Variants in MYL6 observed in about 807,000 individuals in gnomAD.
MYL6 encodes the protein myosin light polypeptide 6.
A neutral mutation model predicts 20.3 loss-of-function variants in MYL6; 20 were observed. That is an observed-to-expected ratio of 0.98 (90% CI 0.69 to 1.43). MYL6 has a LOEUF of 1.43. MYL6 is among the 40% of genes most tolerant of loss of function. The probability of loss-of-function intolerance (pLI) is 0.00; values close to 1 mark genes in which losing one functional copy is unlikely to be tolerated. For missense variants in MYL6, 164 were observed against 191.0 expected (o/e 0.86, Z 0.83); for synonymous variants, 77 against 72.4 (o/e 1.06, Z -0.32).
chr12:56,158,752 G>A, intron 2 of MYL6, 41 bp downstream of exon 2: 6 of 1,611,692 alleles, frequency 3.7e-6, no homozygotes, highest in Non-Finnish European at 5.1e-6. Context: ...CCCTTAGGGA[G>A]AGGGACACCC....
At chr12:56,160,182 T>TGGCA (rs777375833) in intron 4 of MYL6, 34 bp downstream of exon 4, 1 of 1,613,804 alleles carries the variant, frequency 6.2e-7, no homozygotes, top group East Asian at 2.2e-5. Flanking sequence ...TGAGCTGAGA[T>TGGCA]GGCACCCTGA....
intron 3 of MYL6, 30 bp downstream of exon 3, chr12:56,159,760 G>A: frequency 1.7e-5 from 27 of 1,604,456 alleles, no homozygotes; most frequent in Non-Finnish European, 2.3e-5. Context: ...ACTCCTCAGT[G>A]TGGTCATGGG....
intron 3 of MYL6, 65 bp from the exon 4 acceptor site, chr12:56,159,910 T>C: frequency 6.4e-7 from 1 of 1,556,944 alleles, no homozygotes; most frequent in Non-Finnish European, 8.7e-7. Context: ...GAGGTCTCTA[T>C]AATCCCCTGT....
At chr12:56,159,425 G>T in intron 2 of MYL6, 162 bp from the exon 3 acceptor site, 1 of 928,422 alleles carries the variant, frequency 1.1e-6, no homozygotes, top group South Asian at 1.7e-5. Context: ...CACTTGAGTT[G>T]GGAGGAAGAG....
At position 56,160,675 on chromosome 12, in the gene MYL6, G is replaced by A. The variant is rs377654939; in HGVS notation, c.*16+5G>A. On this transcript the variant is annotated splice_donor_5th_base_variant and intron_variant, in intron 6 of 6. Coordinates refer to ENST00000550697, the MANE Select transcript of MYL6 (RefSeq NM_021019.5). ...GGTGACGGGCCCATGGGGCGGGTAC[G>A]GCTCCTCCCAGCCTCTCCTCTAGTT... 156 of 1,613,936 alleles carry A rather than the reference G, an allele frequency of 9.7e-5. 2 individuals carry two copies. The highest frequency in any genetic ancestry group is 3.2e-4 in the South Asian group (29 of 91,088).
In MYL6 at chr12:56,159,659, T is replaced by G; in HGVS notation, c.104T>G (p.Val35Gly). 1 of 1,614,028 alleles carries G rather than the reference T, an allele frequency of 6.2e-7. No homozygotes were observed. Among genetic ancestry groups the G allele is most frequent in the African/African-American group, 1.3e-5 (1 of 74,994 alleles). ...GKILYSQCGD[V>G]MRALGQNPTN... ...ATCCTGTACAGCCAGTGTGGGGATGTGATGAGGGCCCTGGGCCAGAACCCT... is the reference window on the plus strand; with the variant it reads ...ATCCTGTACAGCCAGTGTGGGGATGGGATGAGGGCCCTGGGCCAGAACCCT... Residue 35 changes from valine (V) to glycine (G), a missense_variant, in exon 3 of 7, where the codon GTG (valine) becomes GGG (glycine). By Grantham distance (109) the Val-to-Gly change is moderately radical (BLOSUM62 -3). Transcript: ENST00000550697.
rs375642964 is a variant in MYL6, at chr12:56,158,456, G to A, written c.3+52G>A. 5.6e-5 allele frequency: 87 copies of A among 1,555,126 alleles called. No individual in the cohort carries two copies. In the African/African-American group the frequency reaches 9.3e-4, roughly 17 times the overall value. On this transcript the variant is annotated intron_variant, in intron 1 of 6. Transcript: ENST00000550697. ...CAGGATTGGGGACGAGAGGCAGGAAGAGACGGGTGGGGGGCGAGGAGAAGG... is the reference window on the plus strand; with the variant it reads ...CAGGATTGGGGACGAGAGGCAGGAAAAGACGGGTGGGGGGCGAGGAGAAGG...
Position 56,160,757 on chromosome 12 carries a change from CCTA to C in MYL6, c.*16+92_*16+94del, listed in dbSNP as rs1296930333. Reference sequence around the variant, plus strand: ...TGTGCTCTTTATCCCCTGCCCTTACCCTACTACCATCTGACTTCCTCCTGGCAT... The same window carrying C: ...TGTGCTCTTTATCCCCTGCCCTTACCCTACCATCTGACTTCCTCCTGGCAT... On this transcript the variant is annotated intron_variant, in intron 6 of 6. Transcript: ENST00000550697. The C allele has an allele frequency of 2.0e-5, 28 of 1,405,794 alleles. 1 individual carries two copies. The Admixed American group carries it at 2.7e-4, about 14-fold the overall frequency. 87.1% of individuals were successfully genotyped at this position (1,405,794 alleles called of 1,614,324 possible).
intron 2 of MYL6, 26 bp from the exon 3 acceptor site, chr12:56,159,561 G>C (rs750220958): frequency 1.2e-6 from 2 of 1,610,240 alleles, no homozygotes; most frequent in Non-Finnish European, 1.7e-6. Flanking sequence ...CTCAAATCCT[G>C]TGTTGACATT....
intron 2 of MYL6, chr12:56,159,139 A>C: frequency 3.2e-6 from 1 of 314,896 alleles, no homozygotes; most frequent in Non-Finnish European, 5.8e-6. Context: ...AGATGGGGAC[A>C]AGACAGGGGA....
Position 56,161,441 on chromosome 12 carries a change from C to T in MYL6, c.*71C>T, listed in dbSNP as rs759658011. On this transcript the variant is annotated 3_prime_UTR_variant, in exon 7 of 7. Coordinates refer to ENST00000550697, the MANE Select transcript of MYL6 (RefSeq NM_021019.5). ...GGACCTTCCCAGTCTCCCCAGAGTC[C>T]GTGCCTTTCCCTGTGTGAATTTTGT... The T allele has an allele frequency of 3.1e-5, 50 of 1,613,786 alleles. No homozygotes were observed. The highest frequency in any genetic ancestry group is 2.5e-4 in the East Asian group (11 of 44,896).
chr12:56,159,809 T>C (rs1433379240), intron 3 of MYL6, 79 bp downstream of exon 3: 9 of 1,549,734 alleles, frequency 5.8e-6, no homozygotes, highest in Non-Finnish European at 7.8e-6. Flanking sequence ...TTTATCTTCA[T>C]AGGCCCCAAA....
chr12:56,160,452 A>T, intron 5 of MYL6, 132 bp downstream of exon 5: 1 of 1,440,122 alleles, frequency 6.9e-7, no homozygotes, highest in Non-Finnish European at 9.7e-7. Flanking sequence ...GGCCCTGCCC[A>T]GCCCAGCCCA....
intron 1 of MYL6, 128 bp downstream of exon 1, chr12:56,158,532 G>A: frequency 2.5e-6 from 4 of 1,610,548 alleles, no homozygotes; most frequent in Middle Eastern, 1.7e-4. Context: ...TGGAGGTGGG[G>A]TTGGAAAGAC....
At chr12:56,160,746 C>A in intron 6 of MYL6, 76 bp downstream of exon 6, 1 of 1,470,566 alleles carries the variant, frequency 6.8e-7, no homozygotes, top group Non-Finnish European at 9.4e-7. Flanking sequence ...CTCTTTATCC[C>A]CTGCCCTTAC....
chr12:56,161,134 TGGA>T, intron 6 of MYL6: 2 of 603,012 alleles, frequency 3.3e-6, no homozygotes, highest in Non-Finnish European at 6.0e-6. Flanking sequence ...GTAGGTGTAG[TGGA>T]GAACTTTTCT....
At chr12:56,160,879 T>C in intron 6 of MYL6, 1 of 611,430 alleles carries the variant, frequency 1.6e-6, no homozygotes, top group Non-Finnish European at 2.9e-6. Flanking sequence ...GAATGGGCCC[T>C]GAGGTTTTAC....
intron 3 of MYL6, 122 bp downstream of exon 3, chr12:56,159,852 A>T: frequency 6.6e-7 from 1 of 1,526,648 alleles, no homozygotes; most frequent in Non-Finnish European, 8.8e-7. Flanking sequence ...AATCCCATGG[A>T]TTTCCTTGCT....
At chr12:56,159,526 C>T in intron 2 of MYL6, 61 bp from the exon 3 acceptor site, 1 of 1,582,110 alleles carries the variant, frequency 6.3e-7, no homozygotes, top group Admixed American at 1.7e-5. Context: ...GGCAGCAGAG[C>T]TCTGAGGTAG....
Sources: gnomAD v4.1 joint callset for allele counts on GRCh38, gnomAD v4.1.1 for gene constraint, MANE v1.5 for transcripts, NCBI Gene and HGNC (gene_info 2026-07-23, HGNC 2026-07-21) for gene names.